Variants in POLD1 observed in about 807,000 individuals in gnomAD.
POLD1 encodes the protein DNA polymerase delta catalytic subunit.
POLD1 carries 79 observed loss-of-function variants against 129.7 expected under a neutral mutation model. The ratio of observed to expected loss-of-function variants is 0.61; its 90% confidence interval spans 0.51 to 0.73. The LOEUF is 0.73. Among genes scored for constraint, POLD1 ranks in the 30% least tolerant of loss-of-function variants. The pLI is 0.00. For synonymous variants in POLD1, 714 were observed against 683.3 expected (o/e 1.04, Z -0.70); for missense variants, 1,338 against 1,595.8 (o/e 0.84, Z 2.75).
At chr19:50,404,314 G>A (rs1416266289) in intron 10 of POLD1, among the ~76,000 whole-genome samples, 1 of 150,640 alleles carries the variant, frequency 6.6e-6, no homozygotes, top group African/African-American at 2.5e-5. Flanking sequence ...CCAGGCTGGA[G>A]TGCAGTGGCG....
At chr19:50,400,811 C>T (rs2038571351) in intron 3 of POLD1, among the ~76,000 whole-genome samples, 1 of 151,398 alleles carries the variant, frequency 6.6e-6, no homozygotes, top group Non-Finnish European at 1.5e-5. Flanking sequence ...ATTCTCCTGC[C>T]TCAGCCTCCC....
rs1601219353 is a variant in POLD1, at chr19:50,407,052, C to T, written c.1564C>T (p.Leu522=). Residue 522 remains leucine, a synonymous_variant, in exon 13 of 27, where the codon CTG becomes TTG. Transcript: ENST00000440232. ...GAAGGATGCCTACCTGCCACTGCGG[C>T]TGCTGGAGCGGCTCATGGTGCTGGT... is the stretch of plus-strand genomic sequence containing the variant. ...CLKDAYLPLR[L]LERLMVLVNA... is the part of the protein sequence containing the mutation. 6.2e-7 allele frequency: 1 copy of T among 1,613,854 alleles called. No homozygotes were observed. Among genetic ancestry groups the T allele is most frequent in the Admixed American group, 1.7e-5 (1 of 60,010 alleles).
intron 14 of POLD1, among the ~76,000 whole-genome samples, chr19:50,408,442 C>T (rs1376205284): frequency 6.6e-5 from 10 of 152,066 alleles, no homozygotes; most frequent in South Asian, 4.2e-4. Flanking sequence ...GGGTGGAGTG[C>T]GGTGGCATGA....
intron 1 of POLD1, among the ~76,000 whole-genome samples, chr19:50,394,235 C>T (rs556358726): frequency 6.6e-5 from 10 of 152,306 alleles, no homozygotes; most frequent in Admixed American, 5.2e-4. Context: ...CACTCTCATT[C>T]CTGGAGGGAG....
intron 18 of POLD1, 110 bp from the exon 19 acceptor site, chr19:50,413,632 C>T (rs529284708): frequency 2.9e-4 from 444 of 1,529,496 alleles, no homozygotes; most frequent in Middle Eastern, 1.4e-3. Context: ...TGCCCACTCT[C>T]CTGTTGCATC....
chr19:50,409,005 G>C lies in POLD1; in HGVS notation c.1892+104G>C. 7.4e-7 allele frequency: 1 copy of C among 1,353,612 alleles called. No individual in the cohort carries two copies. Among genetic ancestry groups the C allele is most frequent in the Admixed American group, 1.8e-5 (1 of 56,312 alleles). 83.9% of individuals were successfully genotyped at this position (1,353,612 alleles called of 1,614,324 possible). A position where few individuals can be genotyped will look rare whatever the true frequency, so the allele number is the denominator to read the frequency against. ...TAGGCACAGGCCCAGAGATAGTAGG[G>C]AGTGGAGGGGTGCTTGAGGGGCCTG... On this transcript the variant is annotated intron_variant, in intron 15 of 26. Transcript: ENST00000440232. This position sits in a 1 kb window ranked among gnomAD's most constrained non-coding sequence, Gnocchi z 5.8.
Position 50,414,961 on chromosome 19 carries a change from T to A in POLD1, c.2535T>A (p.Thr845=). The change falls in exon 20 of 27, where the codon ACT becomes ACA. Residue 845 remains threonine, a synonymous_variant. Transcript: ENST00000440232. The part of the protein sequence containing the change: ...DNCPLVANLV[T]ASLRRLLIDR... ...GCCCCCTCGTGGCCAACCTGGTCAC[T>A]GCCTCACTGCGCCGCCTGCTCATCG... 1 of 1,600,972 alleles carries A rather than the reference T, an allele frequency of 6.2e-7. No homozygotes were observed. Among genetic ancestry groups the A allele is most frequent in the Non-Finnish European group, 8.5e-7 (1 of 1,172,932 alleles).
Position 50,398,885 on chromosome 19 carries a change from G to T in POLD1, c.34G>T (p.Gly12Trp). Reference sequence around the variant, plus strand: ...CAAGCGGCGGCCAGGCCCAGGGCCCGGGGTGCCCCCAAAGCGGGCCCGTGG... The same window carrying T: ...CAAGCGGCGGCCAGGCCCAGGGCCCTGGGTGCCCCCAAAGCGGGCCCGTGG... Reference protein sequence around the residue: ...DGKRRPGPGPGVPPKRARGGL... With the variant: ...DGKRRPGPGPWVPPKRARGGL... Residue 12 changes from glycine to tryptophan, a missense_variant, in exon 2 of 27, where the codon GGG (glycine) becomes TGG (tryptophan). Gly to Trp is a radical substitution (Grantham distance 184). This residue lies in a region of POLD1 where 332 missense variants were observed against 315.7 expected (regional missense o/e 1.05). Transcript: ENST00000440232. 6.2e-7 allele frequency: 1 copy of T among 1,607,314 alleles called. No homozygotes were observed. Among genetic ancestry groups the T allele is most frequent in the Non-Finnish European group, 8.5e-7 (1 of 1,178,278 alleles).
At chr19:50,400,133 ATTTT>A (rs71182715) in intron 3 of POLD1, among the ~76,000 whole-genome samples, 7 of 48,130 alleles carry the variant, frequency 1.5e-4, no homozygotes, top group East Asian at 9.7e-4. Context: ...TTTTTAAAAG[ATTTT>A]TTTTTTTTTT....
At chr19:50,404,955 G>C (rs936753102) in intron 10 of POLD1, among the ~76,000 whole-genome samples, 1 of 152,004 alleles carries the variant, frequency 6.6e-6, no homozygotes, top group African/African-American at 2.4e-5. Context: ...TTAGTAGACA[G>C]GGTTTCTCCA....
In POLD1 at chr19:50,407,318, C is replaced by T. The variant is rs2122343528; in HGVS notation, c.1687-9C>T. On this transcript the variant is annotated splice_polypyrimidine_tract_variant and intron_variant, in intron 13 of 26. Coordinates refer to ENST00000440232, the MANE Select transcript of POLD1 (RefSeq NM_002691.4). ...TACCCACTCCATTTCCCACCTTCTC[C>T]CCTCCCAGGCCATGCACGAGGGGCT... 6.2e-7 allele frequency: 1 copy of T among 1,609,722 alleles called. No homozygotes were observed.
At chr19:50,403,308 C>A in intron 9 of POLD1, 89 bp downstream of exon 9, 1 of 1,367,870 alleles carries the variant, frequency 7.3e-7, no homozygotes, top group South Asian at 1.4e-5. Context: ...GCTGCGACGC[C>A]CATGTCTGTG....
rs543326958 is a variant in POLD1 at position 50,384,421 on chromosome 19, C to T, written c.-2+31C>T. On this transcript the variant is annotated intron_variant, in intron 1 of 26. Coordinates refer to ENST00000440232, the MANE Select transcript of POLD1 (RefSeq NM_002691.4). ...TAGAGGGGAAAAAGGGAGTTCGGGG[C>T]AGTGGGCCTGGTAGGGAACGGGGCT... 652 of 152,640 alleles carry T rather than the reference C, an allele frequency of 4.3e-3. 5 individuals are homozygous for T. The highest frequency in any genetic ancestry group is 0.01 in the Middle Eastern group (3 of 300). The allele number at this position is 152,640 out of a possible 1,614,324, so 9.5% of individuals were successfully genotyped here.
At chr19:50,394,379 C>A (rs867582785) in intron 1 of POLD1, among the ~76,000 whole-genome samples, 1 of 152,128 alleles carries the variant, frequency 6.6e-6, no homozygotes, top group African/African-American at 2.4e-5. Context: ...AAGCCGGGCG[C>A]GGTGGCTCAC....
intron 1 of POLD1, chr19:50,393,826 C>G (rs2546559): frequency 0.072 from 10,895 of 152,284 alleles, 1,298 homozygotes; most frequent in African/African-American, 0.24. Flanking sequence ...GTGCACTTTG[C>G]CTTCTGCACA....
chr19:50,396,617 A>G lies in POLD1; in HGVS notation c.-1-2234A>G, dbSNP rs182505497. 7.9e-3 allele frequency among the ~76,000 whole-genome samples: 1,196 copies of G among 151,696 alleles called. 11 individuals are homozygous for G. Among genetic ancestry groups the G allele is most frequent in the African/African-American group, 0.028 (1,145 of 41,360 alleles). ...CTCAGCCTCATGAGTAGCTGGGACTACAGGCGCCCACCACCATGCCCGGCT... is the reference window on the plus strand; with the variant it reads ...CTCAGCCTCATGAGTAGCTGGGACTGCAGGCGCCCACCACCATGCCCGGCT... On this transcript the variant is annotated intron_variant, in intron 1 of 26. Coordinates refer to ENST00000440232, the MANE Select transcript of POLD1 (RefSeq NM_002691.4).
At chr19:50,396,850 C>A (rs1167048545) in intron 1 of POLD1, among the ~76,000 whole-genome samples, 1 of 151,618 alleles carries the variant, frequency 6.6e-6, no homozygotes, top group African/African-American at 2.4e-5. Flanking sequence ...AATCCCAGCA[C>A]TTTGGGAGGC....
chr19:50,399,105 T>G, intron 2 of POLD1, 52 bp downstream of exon 2: 5 of 1,550,202 alleles, frequency 3.2e-6, no homozygotes, highest in Non-Finnish European at 3.5e-6. Context: ...CCCCTGGTCT[T>G]GCCTTTGGTC....
Position 50,407,154 on chromosome 19 carries a change from G to A in POLD1, c.1666G>A (p.Val556Ile), listed in dbSNP as rs762273084. ...LLSRGQQVKV[V>I]SQLLRQAMHE... ...CAGTCGTGGCCAGCAGGTCAAGGTC[G>A]TATCCCAGCTGTTGCGGCAGGTCAG... Residue 556 changes from valine (V) to isoleucine (I), a missense_variant, in exon 13 of 27, where the codon GTA (valine) becomes ATA (isoleucine). Val to Ile is a conservative substitution (Grantham distance 29). This residue lies in a region of POLD1 where 720 missense variants were observed against 1,002.6 expected (regional missense o/e 0.72). Coordinates refer to ENST00000440232, the MANE Select transcript of POLD1 (RefSeq NM_002691.4). 8.0e-5 allele frequency: 128 copies of A among 1,607,434 alleles called. No homozygotes were observed. The highest frequency in any genetic ancestry group is 9.1e-5 in the Non-Finnish European group (107 of 1,175,630).
Sources: gnomAD v4.1 joint callset for allele counts (sites outside exome capture counted in the v4.1 genomes callset) on GRCh38, gnomAD v4.1.1 for gene constraint, gnomAD v4.1.1 regional missense constraint, Gnocchi (gnomAD v3.1) non-coding constraint, MANE v1.5 for transcripts, NCBI Gene and HGNC (gene_info 2026-07-23, HGNC 2026-07-21) for gene names.